SNX25: variants seen among roughly 807,000 people sequenced by gnomAD.
The protein encoded by SNX25 is sorting nexin-25.
A neutral mutation model predicts 113.7 loss-of-function variants in SNX25; 62 were observed. That is an observed-to-expected ratio of 0.55 (90% confidence interval 0.44 to 0.67). The LOEUF (loss-of-function observed/expected upper bound fraction) is 0.67. SNX25 is among the 30% of genes least tolerant of loss of function. The pLI, the probability that SNX25 is intolerant of heterozygous loss-of-function variation, is 0.00. For missense variants in SNX25, 1,014 were observed against 1,161.0 expected (o/e 0.87, Z 1.84); for synonymous variants, 421 against 436.2 (o/e 0.97, Z 0.43).
chr4:185,323,882 A>C lies in SNX25; in HGVS notation c.1749+82A>C, dbSNP rs148650564. 7.4e-4 allele frequency: 1,063 copies of C among 1,429,810 alleles called. 12 individuals carry two copies. The African/African-American group carries it at 0.014, about 18-fold the overall frequency. The allele number at this position is 1,429,810 out of a possible 1,614,324, so 88.6% of individuals were successfully genotyped here. A position where few individuals can be genotyped will look rare whatever the true frequency, so the allele number is the denominator to read the frequency against. On this transcript the variant is annotated intron_variant, in intron 9 of 18. Coordinates refer to ENST00000652585, the MANE Select transcript of SNX25 (RefSeq NM_001378034.2). ...AAGTGGGTGCATATTGTGTGAGCCA[A>C]ATTTGATGCACATCTTCATCTTTTA...
intron 14 of SNX25, among the ~76,000 whole-genome samples, chr4:185,352,383 G>A (rs1188096807): frequency 6.6e-6 from 1 of 152,162 alleles, no homozygotes; most frequent in East Asian, 1.9e-4. Context: ...AAAGCAGCAT[G>A]CTGCTCTTCT....
At chr4:185,308,631 GTCTC>G (rs1754818924) in intron 6 of SNX25, among the ~76,000 whole-genome samples, 1 of 152,182 alleles carries the variant, frequency 6.6e-6, no homozygotes, top group Non-Finnish European at 1.5e-5. Context: ...TTTAATGAGC[GTCTC>G]CTTTGCTGCC....
At chr4:185,215,349 A>G (rs1738646196) in intron 1 of SNX25, among the ~76,000 whole-genome samples, 1 of 152,250 alleles carries the variant, frequency 6.6e-6, no homozygotes, top group African/African-American at 2.4e-5. Flanking sequence ...CCAGTAGATT[A>G]GACCCACAGG....
At position 185,353,572 on chromosome 4, in the gene SNX25, T is replaced by C; in HGVS notation, c.2554T>C (p.Leu852=). The C allele has an allele frequency of 6.2e-7, 1 of 1,614,130 alleles. No homozygotes were observed. Among genetic ancestry groups the C allele is most frequent in the Non-Finnish European group, 8.5e-7 (1 of 1,179,984 alleles). ...KDALAEPCFM[L]IGEIFELRGM... ...CGCCTTGGCTGAACCATGTTTCATG[T>C]TGATTGGGGAGATTTTTGAACTTCG... is the stretch of plus-strand genomic sequence containing the variant. Residue 852 remains leucine, a synonymous_variant, in exon 15 of 19, where the codon TTG becomes CTG. Coordinates refer to ENST00000652585, the MANE Select transcript of SNX25 (RefSeq NM_001378034.2).
intron 6 of SNX25, 136 bp downstream of exon 6, chr4:185,288,218 A>G (rs930828104): frequency 4.8e-6 from 3 of 621,796 alleles, no homozygotes; most frequent in Non-Finnish European, 8.5e-6. Flanking sequence ...ATTAAAAACA[A>G]TACTATTACA....
At chr4:185,252,393 T>G (rs1247942085) in intron 2 of SNX25, among the ~76,000 whole-genome samples, 1 of 152,214 alleles carries the variant, frequency 6.6e-6, no homozygotes, top group Non-Finnish European at 1.5e-5. Context: ...ATAATAGATT[T>G]AATATTAATC....
chr4:185,351,913 G>A (rs982176901), intron 14 of SNX25, among the ~76,000 whole-genome samples: 1 of 146,296 alleles, frequency 6.8e-6, no homozygotes. Flanking sequence ...TTGCGGGGTG[G>A]GGGGGTTCAT....
chr4:185,339,689 T>C (rs141912017), intron 11 of SNX25, among the ~76,000 whole-genome samples, 179 bp downstream of exon 11: 1 of 152,342 alleles, frequency 6.6e-6, no homozygotes, highest in Non-Finnish European at 1.5e-5. Context: ...CTGGGAACTA[T>C]ACAAGGCTGC....
chr4:185,329,681 C>CACAGAGAGAGAG (rs1554007964), intron 9 of SNX25, among the ~76,000 whole-genome samples: 2 of 148,922 alleles, frequency 1.3e-5, no homozygotes, highest in Admixed American at 1.3e-4. Context: ...AAGACAGACA[C>CACAGAGAGAGAG]AGAGAGAGAG....
At chr4:185,370,740 C>G (rs774354537), downstream of SNX25, 4 of 1,614,070 alleles carry the variant, frequency 2.5e-6, no homozygotes, top group Non-Finnish European at 3.4e-6. Context: ...CATGCCTCTG[C>G]CGATGAACTC....
At chr4:185,241,206 G>C (rs1241105384) in intron 1 of SNX25, among the ~76,000 whole-genome samples, 1 of 152,258 alleles carries the variant, frequency 6.6e-6, no homozygotes, top group South Asian at 2.1e-4. Context: ...CTGAGTGAAC[G>C]CGACTCCGTC....
intron 4 of SNX25, among the ~76,000 whole-genome samples, chr4:185,265,251 A>G (rs1474276945): frequency 2.0e-5 from 3 of 152,248 alleles, no homozygotes; most frequent in Non-Finnish European, 2.9e-5. Flanking sequence ...ATGTGTCATT[A>G]GACAATGTCA....
chr4:185,312,970 T>C (rs1162076877), intron 7 of SNX25, among the ~76,000 whole-genome samples: 1 of 152,240 alleles, frequency 6.6e-6, no homozygotes, highest in East Asian at 1.9e-4. Flanking sequence ...CATTTGCTAT[T>C]TGAAAGGTAA....
At chr4:185,340,093 T>A (rs1188407424) in intron 11 of SNX25, among the ~76,000 whole-genome samples, 2 of 152,238 alleles carry the variant, frequency 1.3e-5, no homozygotes, top group African/African-American at 4.8e-5. Context: ...CCTTCTCCCC[T>A]GCCCTACTGT....
intron 1 of SNX25, among the ~76,000 whole-genome samples, chr4:185,244,513 T>C (rs1351213722): frequency 1.3e-5 from 2 of 152,184 alleles, no homozygotes; most frequent in Non-Finnish European, 2.9e-5. Context: ...ATTCCTCATT[T>C]CCTCAATTTT....
intron 1 of SNX25, among the ~76,000 whole-genome samples, chr4:185,214,259 C>T (rs1008551547): frequency 6.6e-6 from 1 of 151,904 alleles, no homozygotes; most frequent in Non-Finnish European, 1.5e-5. Context: ...TACAAGAAGT[C>T]CACAGAAGTT....
chr4:185,255,503 AT>A (rs1219484339), intron 2 of SNX25, among the ~76,000 whole-genome samples: 1 of 152,114 alleles, frequency 6.6e-6, no homozygotes, highest in Non-Finnish European at 1.5e-5. Context: ...CGTTGCTGGG[AT>A]TACAAGTGTG....
intron 6 of SNX25, among the ~76,000 whole-genome samples, chr4:185,300,313 C>A (rs1753463557): frequency 6.6e-6 from 1 of 151,762 alleles, no homozygotes. Flanking sequence ...CGCCTGCCCC[C>A]ACACCCAGCT....
At chr4:185,351,195 T>C (rs2095313243) in intron 13 of SNX25, among the ~76,000 whole-genome samples, 1 of 152,236 alleles carries the variant, frequency 6.6e-6, no homozygotes, top group Non-Finnish European at 1.5e-5. Flanking sequence ...TTCTGCCTTT[T>C]GCATAGTTAT....
Sources: gnomAD v4.1 joint callset for allele counts (sites outside exome capture counted in the v4.1 genomes callset) on GRCh38, gnomAD v4.1.1 for gene constraint, MANE v1.5 for transcripts, NCBI Gene and HGNC (gene_info 2026-07-23, HGNC 2026-07-21) for gene names.